SCYL3: variants seen among roughly 807,000 people sequenced by gnomAD.
SCYL3 encodes SCY1 like pseudokinase 3.
A neutral mutation model predicts 73.8 loss-of-function variants in SCYL3; 35 were observed. That is an observed-to-expected ratio of 0.47 (90% CI 0.36 to 0.63). The LOEUF (loss-of-function observed/expected upper bound fraction) is 0.63. SCYL3 is among the 20% of genes least tolerant of loss of function. The probability of loss-of-function intolerance (pLI) is 0.00; values close to 1 mark genes in which losing one functional copy is unlikely to be tolerated. For missense variants in SCYL3, 712 were observed against 798.9 expected, an observed-to-expected ratio of 0.89 and a Z score of 1.31; for synonymous variants, 277 against 295.2, an observed-to-expected ratio of 0.94 and a Z score of 0.63.
intron 5 of SCYL3, among the ~76,000 whole-genome samples, chr1:169,873,414 A>G (rs1660568362): frequency 6.6e-6 from 1 of 152,200 alleles, no homozygotes. Flanking sequence ...GCAGCATGAA[A>G]ACAGACTAAT....
At chr1:169,893,527 G>C (rs1662231777) in intron 1 of SCYL3, among the ~76,000 whole-genome samples, 1 of 152,126 alleles carries the variant, frequency 6.6e-6, no homozygotes, top group Non-Finnish European at 1.5e-5. Context: ...GGAGAGCTCT[G>C]GCCGCGGGCG....
chr1:169,855,855 G>A (rs758190718), intron 11 of SCYL3: 115 of 1,613,710 alleles, frequency 7.1e-5, no homozygotes, highest in Non-Finnish European at 9.0e-5. Flanking sequence ...GTTGATGGGC[G>A]TGCTGCCAGA....
chr1:169,883,116 G>A (rs1223118101), intron 2 of SCYL3, among the ~76,000 whole-genome samples: 1 of 151,970 alleles, frequency 6.6e-6, no homozygotes. Context: ...CCACCAGAAG[G>A]AAGAAACTCC....
chr1:169,851,827 T>C lies in SCYL3; in HGVS notation c.*1886A>G, dbSNP rs780503971. On this transcript the variant is annotated 3_prime_UTR_variant, in exon 13 of 13. Transcript: ENST00000367771. Reference sequence around the variant, plus strand: ...CATGGTCCCTGGCAGACTGGGTTTGTAGATGAAACTGAAGCTGCCAAAGTG... The same window carrying C: ...CATGGTCCCTGGCAGACTGGGTTTGCAGATGAAACTGAAGCTGCCAAAGTG... The C allele has an allele frequency of 7.4e-6, 12 of 1,613,934 alleles. No homozygotes were observed. The highest frequency in any genetic ancestry group is 1.0e-5 in the Non-Finnish European group (12 of 1,179,914).
chr1:169,852,855 A>G lies in SCYL3; in HGVS notation c.*858T>C. 6.2e-7 allele frequency: 1 copy of G among 1,614,170 alleles called. No individual in the cohort carries two copies. Among genetic ancestry groups the G allele is most frequent in the East Asian group, 2.2e-5 (1 of 44,890 alleles). ...AAGAGTACAGGTCAGCGCTGCATAC[A>G]ATAGCAGGGGCTTTGGAAGCAACTG... is the stretch of plus-strand genomic sequence containing the variant. On this transcript the variant is annotated 3_prime_UTR_variant, in exon 13 of 13. Transcript: ENST00000367771.
chr1:169,855,993 A>G, intron 11 of SCYL3: 2 of 1,597,090 alleles, frequency 1.3e-6, no homozygotes. Context: ...CATGAAAGGG[A>G]CAGTAAATTG....
intron 4 of SCYL3, among the ~76,000 whole-genome samples, 175 bp downstream of exon 4, chr1:169,875,803 C>A (rs1461369907): frequency 6.6e-6 from 1 of 152,204 alleles, no homozygotes; most frequent in Non-Finnish European, 1.5e-5. Context: ...ATACATGACC[C>A]CCACTGCCTC....
At chr1:169,889,127 C>T (rs1210838572) in intron 1 of SCYL3, among the ~76,000 whole-genome samples, 1 of 152,192 alleles carries the variant, frequency 6.6e-6, no homozygotes. Flanking sequence ...TGTCCCTCCC[C>T]AAACTCCACC....
At chr1:169,871,914 A>G (rs1270483234) in intron 5 of SCYL3, among the ~76,000 whole-genome samples, 1 of 152,238 alleles carries the variant, frequency 6.6e-6, no homozygotes, top group East Asian at 1.9e-4. Flanking sequence ...TCAAGAGGTG[A>G]CTTGGGTGCT....
At chr1:169,882,210 C>T (rs1413517850) in intron 2 of SCYL3, among the ~76,000 whole-genome samples, 6 of 152,296 alleles carry the variant, frequency 3.9e-5, no homozygotes, top group Admixed American at 6.5e-5. Context: ...TTGGAGCAGC[C>T]GGCAGGCCCT....
Position 169,850,281 on chromosome 1 carries a change from A to G in SCYL3, c.*3432T>C. ...TTTTAATAGGGAACAAATCATGAAG[A>G]GATAGTTCCACAGTGTCTCAGTTCT... is the stretch of plus-strand genomic sequence containing the variant. On this transcript the variant is annotated 3_prime_UTR_variant, in exon 13 of 13. Coordinates refer to ENST00000367771, the MANE Select transcript of SCYL3 (RefSeq NM_020423.7). 6.2e-7 allele frequency: 1 copy of G among 1,609,544 alleles called. No homozygotes were observed. The highest frequency in any genetic ancestry group is 1.1e-5 in the South Asian group (1 of 90,928).
chr1:169,857,076 C>T (rs949404938), intron 11 of SCYL3, among the ~76,000 whole-genome samples: 1 of 152,192 alleles, frequency 6.6e-6, no homozygotes, highest in Non-Finnish European at 1.5e-5. Flanking sequence ...CCAGAAATTA[C>T]TGCTACCTCC....
rs768356380 is a variant in SCYL3 at position 169,852,765 on chromosome 1, G to C, written c.*948C>G. On this transcript the variant is annotated 3_prime_UTR_variant, in exon 13 of 13. Coordinates refer to ENST00000367771, the MANE Select transcript of SCYL3 (RefSeq NM_020423.7). ...TCTTTATATTTAGAATGGATATTGT[G>C]ATATTACTTATGTTTTTTTTCCAGC... The C allele has an allele frequency of 6.2e-7, 1 of 1,609,488 alleles. No homozygotes were observed. The highest frequency in any genetic ancestry group is 1.1e-5 in the South Asian group (1 of 90,694).
intron 1 of SCYL3, among the ~76,000 whole-genome samples, chr1:169,893,329 C>T (rs1662215065): frequency 6.6e-6 from 1 of 152,168 alleles, no homozygotes; most frequent in Admixed American, 6.5e-5. Context: ...TTCCCGAGGG[C>T]GGGCGCGCCC....
At chr1:169,874,115 A>T (rs1660625759) in intron 4 of SCYL3, among the ~76,000 whole-genome samples, 1 of 152,186 alleles carries the variant, frequency 6.6e-6, no homozygotes, top group Non-Finnish European at 1.5e-5. Context: ...TCTAGCACAG[A>T]ACAAATCTGT....
Position 169,854,618 on chromosome 1 carries a change from TGAAA to T in SCYL3, c.1655_1658del (p.Leu552HisfsTer49). The T allele has an allele frequency of 6.2e-7, 1 of 1,614,008 alleles. No individual in the cohort carries two copies. The highest frequency in any genetic ancestry group is 2.2e-5 in the East Asian group (1 of 44,884). ...TCCAAGGCATAGACTCTTCAGTGAG[TGAAA>T]GCAAAGCAGGAATAGGCTTCTGCTC... is the stretch of plus-strand genomic sequence containing the variant. On this transcript the variant is annotated frameshift_variant, in exon 12 of 13. Coordinates refer to ENST00000367771, the MANE Select transcript of SCYL3 (RefSeq NM_020423.7). LOFTEE classifies it high-confidence loss of function.
At chr1:169,889,891 T>C (rs1661953117) in intron 1 of SCYL3, among the ~76,000 whole-genome samples, 1 of 152,240 alleles carries the variant, frequency 6.6e-6, no homozygotes, top group Admixed American at 6.5e-5. Flanking sequence ...TTGAAAAATA[T>C]ATGTTGAAGT....
At chr1:169,875,904 G>A in intron 4 of SCYL3, 74 bp downstream of exon 4, 1 of 830,454 alleles carries the variant, frequency 1.2e-6, no homozygotes, top group Non-Finnish European at 1.8e-6. Flanking sequence ...CTGAAGGAAA[G>A]TGCCTAGGCA....
intron 2 of SCYL3, among the ~76,000 whole-genome samples, chr1:169,886,046 C>G (rs1661658962): frequency 6.6e-6 from 1 of 152,162 alleles, no homozygotes; most frequent in African/African-American, 2.4e-5. Context: ...GGTACGGTGG[C>G]TCATGCCTGT....
Sources: allele counts gnomAD v4.1 joint callset (sites outside exome capture counted in the v4.1 genomes callset), GRCh38; gene constraint gnomAD v4.1.1; transcripts MANE v1.5; gene names NCBI Gene and HGNC (gene_info 2026-07-23, HGNC 2026-07-21).